The following CCDC171 variants were observed in gnomAD, a reference collection of about 807,000 sequenced individuals.
The protein encoded by CCDC171 is coiled-coil domain containing 171, also known as coiled-coil domain-containing protein 171.
Under a neutral mutation model 168.2 loss-of-function variants are expected in CCDC171, and 177 were observed. That is an observed-to-expected ratio of 1.05 (90% CI 0.93 to 1.19). CCDC171 has a LOEUF of 1.19. Ranked by LOEUF, CCDC171 falls within the 50% of genes most tolerant of loss-of-function variation. The probability of loss-of-function intolerance (pLI) is 0.00; values close to 1 mark genes in which losing one functional copy is unlikely to be tolerated. For missense variants in CCDC171, 1,991 were observed against 1,539.0 expected, an observed-to-expected ratio of 1.29 and a Z score of -4.91; for synonymous variants, 687 against 540.8, an observed-to-expected ratio of 1.27 and a Z score of -3.75.
chr9:16,055,127 T>G (rs1833817261), intron 1 of CCDC171, among the ~76,000 whole-genome samples: 2 of 152,162 alleles, frequency 1.3e-5, no homozygotes, highest in Admixed American at 6.5e-5. Context: ...GGACCTCAGA[T>G]TTTTGACCTG....
rs190783667 is a variant in CCDC171 at position 15,911,573 on chromosome 9, G to A, written c.3601-8697G>A. Among the ~76,000 whole-genome samples, 25 of 152,262 alleles carry A rather than the reference G, an allele frequency of 1.6e-4. No homozygotes were observed. The East Asian group carries it at 4.8e-3, about 29-fold the overall frequency. On this transcript the variant is annotated intron_variant, in intron 24 of 25. Transcript: ENST00000380701. ...TAATTAGACCCCATTTGTCAATTCT[G>A]GCTTTTGTTGCCGTTGCTTTTGGTG... is the stretch of plus-strand genomic sequence containing the variant.
chr9:15,697,791 C>G (rs2051328697), intron 11 of CCDC171, among the ~76,000 whole-genome samples: 1 of 152,192 alleles, frequency 6.6e-6, no homozygotes, highest in African/African-American at 2.4e-5. Flanking sequence ...TTGATGGCTG[C>G]TGACTCATCA....
At chr9:15,845,878 TCTC>T (rs1364747610) in intron 21 of CCDC171, among the ~76,000 whole-genome samples, 2 of 152,112 alleles carry the variant, frequency 1.3e-5, no homozygotes, top group Admixed American at 1.3e-4. Context: ...AAAATACTTC[TCTC>T]AATTGTGAGC....
intron 18 of CCDC171, among the ~76,000 whole-genome samples, chr9:15,771,184 C>T (rs190031234): frequency 6.3e-4 from 96 of 151,860 alleles, no homozygotes; most frequent in African/African-American, 2.1e-3. Flanking sequence ...AGTTAATATG[C>T]GTGTATATAA....
the CCDC171 span, among the ~76,000 whole-genome samples, chr9:16,092,661 A>T: frequency 6.6e-6 from 1 of 152,192 alleles, no homozygotes; most frequent in Admixed American, 6.5e-5. Flanking sequence ...CAGTGAAGGG[A>T]TTTCCTCACT....
intron 6 of CCDC171, among the ~76,000 whole-genome samples, chr9:16,032,006 A>G (rs1833371595): frequency 6.6e-6 from 1 of 152,194 alleles, no homozygotes. Flanking sequence ...AATGGTGCCA[A>G]ACGGGCCCTG....
At chr9:15,704,552 G>T (rs781548598) in intron 11 of CCDC171, among the ~76,000 whole-genome samples, 6 of 152,114 alleles carry the variant, frequency 3.9e-5, no homozygotes, top group Non-Finnish European at 8.8e-5. Flanking sequence ...AATTTATAGG[G>T]ACAGTAGCAA....
chr9:15,917,455 A>G (rs1483398350), intron 24 of CCDC171, among the ~76,000 whole-genome samples: 6 of 148,900 alleles, frequency 4.0e-5, no homozygotes, highest in Non-Finnish European at 9.1e-5. Flanking sequence ...TTGAAATCCT[A>G]AGAAAAATTG....
chr9:15,790,113 C>G (rs1372869473), intron 21 of CCDC171, among the ~76,000 whole-genome samples: 1 of 151,976 alleles, frequency 6.6e-6, no homozygotes, highest in Non-Finnish European at 1.5e-5. Flanking sequence ...GGGTATATAC[C>G]CAGTAATGGG....
At chr9:15,990,674 G>C (rs1330249528) in intron 3 of CCDC171, among the ~76,000 whole-genome samples, 1 of 152,120 alleles carries the variant, frequency 6.6e-6, no homozygotes, top group Admixed American at 6.5e-5. Flanking sequence ...CTGTATTCAG[G>C]ACACCCATCT....
At chr9:15,595,170 T>C (rs992035421) in intron 6 of CCDC171, among the ~76,000 whole-genome samples, 3 of 152,138 alleles carry the variant, frequency 2.0e-5, no homozygotes, top group East Asian at 3.8e-4. Context: ...AATTATACTT[T>C]AAGTTTTAGG....
At chr9:15,626,136 G>C (rs561663398) in intron 7 of CCDC171, among the ~76,000 whole-genome samples, 27 of 152,308 alleles carry the variant, frequency 1.8e-4, no homozygotes, top group Non-Finnish European at 2.9e-5. Context: ...TGGTGTATAA[G>C]AATGCTTGTG....
intron 11 of CCDC171, among the ~76,000 whole-genome samples, chr9:15,713,213 T>G (rs1215722994): frequency 2.0e-5 from 3 of 152,232 alleles, no homozygotes; most frequent in Non-Finnish European, 4.4e-5. Context: ...TTTTTACCAC[T>G]GTTCTCCCGA....
chr9:15,832,981 CTTTTTTTTTTT>C (rs71325937), intron 21 of CCDC171, among the ~76,000 whole-genome samples: 4 of 69,432 alleles, frequency 5.8e-5, no homozygotes, highest in African/African-American at 2.3e-4. Flanking sequence ...TCATTATAAT[CTTTTTTTTTTT>C]TTTTTTTTTT....
At position 15,971,727 on chromosome 9, in the gene CCDC171, T is replaced by C. The variant is rs770492878; in HGVS notation, c.3872T>C (p.Phe1291Ser). 2 of 1,613,970 alleles carry C rather than the reference T, an allele frequency of 1.2e-6. No homozygotes were observed. The highest frequency in any genetic ancestry group is 1.7e-5 in the Admixed American group (1 of 60,008). ...LKAELDTTYT[F>S]LKETFINTVP... The stretch of plus-strand genomic sequence containing the variant: ...GCTGAACTTGATACTACTTACACTT[T>C]CTTAAAGGAGACATTTATAAATACT... Residue 1291 changes from phenylalanine to serine, a missense_variant, in exon 26 of 26, where the codon TTC becomes TCC. Transcript: ENST00000380701.
intron 4 of CCDC171, among the ~76,000 whole-genome samples, chr9:15,589,736 A>G (rs2041846625): frequency 6.6e-6 from 1 of 152,232 alleles, no homozygotes. Context: ...ATATGAAGGC[A>G]GAAATGAAAA....
chr9:16,032,107 A>G (rs1038917954), intron 6 of CCDC171, among the ~76,000 whole-genome samples: 1 of 152,136 alleles, frequency 6.6e-6, no homozygotes, highest in African/African-American at 2.4e-5. Context: ...TGGGCTTTCA[A>G]CCCACCCAAG....
intron 5 of CCDC171, among the ~76,000 whole-genome samples, chr9:15,592,793 G>A (rs560288322): frequency 6.6e-6 from 1 of 152,032 alleles, no homozygotes; most frequent in Non-Finnish European, 1.5e-5. Context: ...GAAGGTAGAA[G>A]ATTTTGATCT....
intron 24 of CCDC171, chr9:15,875,601 C>G (rs1322672632): frequency 2.6e-5 from 4 of 151,888 alleles, no homozygotes; most frequent in Non-Finnish European, 5.9e-5. Flanking sequence ...CTTAGTGTGT[C>G]TTTCACATGT....
Sources: gnomAD v4.1 joint callset for allele counts (sites outside exome capture counted in the v4.1 genomes callset) on GRCh38, gnomAD v4.1.1 for gene constraint, MANE v1.5 for transcripts, NCBI Gene and HGNC (gene_info 2026-07-23, HGNC 2026-07-21) for gene names.